KIAA0319L: variants seen among roughly 807,000 people sequenced by gnomAD.
KIAA0319L encodes the protein dyslexia-associated protein KIAA0319-like protein.
KIAA0319L carries 55 observed loss-of-function variants against 120.1 expected under a neutral mutation model. That is an observed-to-expected ratio of 0.46 (90% CI 0.37 to 0.57). KIAA0319L has a LOEUF of 0.57. Among genes scored for constraint, KIAA0319L ranks in the 20% least tolerant of loss-of-function variants. KIAA0319L has a pLI of 0.00. For synonymous variants in KIAA0319L, 398 were observed against 471.9 expected (o/e 0.84, Z 2.03); for missense variants, 1,049 against 1,255.3 (o/e 0.84, Z 2.48).
At chr1:35,514,238 G>C (rs529508178) in intron 2 of KIAA0319L, among the ~76,000 whole-genome samples, 1 of 152,146 alleles carries the variant, frequency 6.6e-6, no homozygotes, top group African/African-American at 2.4e-5. Flanking sequence ...ATATAAAAGT[G>C]CACACATAGT....
Position 35,434,830 on chromosome 1 carries a change from C to T in KIAA0319L, c.*64G>A, listed in dbSNP as rs549847818. On this transcript the variant is annotated 3_prime_UTR_variant, in exon 21 of 21. Coordinates refer to ENST00000325722, the MANE Select transcript of KIAA0319L (RefSeq NM_024874.5). ...CTGGGACAGCAGCTGCCCGCAGACT[C>T]GGGAGGTAGGAGGACTGGCCGGGCA... 14 of 1,438,962 alleles carry T rather than the reference C, an allele frequency of 9.7e-6. No homozygotes were observed. Among genetic ancestry groups the T allele is most frequent in the Admixed American group, 4.1e-5 (2 of 49,128 alleles). The allele number at this position is 1,438,962 out of a possible 1,614,324, so 89.1% of individuals were successfully genotyped here.
chr1:35,449,978 G>A lies in KIAA0319L; in HGVS notation c.2242C>T (p.Pro748Ser), dbSNP rs756913731. ...GEVLNHSDHH[P>S]ILFLSNLVEG... ...ACCAGGTTTGAAAGAAAAAGGATAG[G>A]GTGATGGTCAGAGTGATTTAACACC... Residue 748 changes from proline (P) to serine (S), a missense_variant, in exon 15 of 21, where the codon CCT becomes TCT. Transcript: ENST00000325722. 1 of 1,614,042 alleles carries A rather than the reference G, an allele frequency of 6.2e-7. No individual in the cohort carries two copies. The highest frequency in any genetic ancestry group is 2.2e-5 in the East Asian group (1 of 44,894).
intron 2 of KIAA0319L, among the ~76,000 whole-genome samples, chr1:35,546,552 T>A (rs1316853803): frequency 6.6e-6 from 1 of 152,234 alleles, no homozygotes; most frequent in Non-Finnish European, 1.5e-5. Flanking sequence ...GTCAGGGAAC[T>A]GGACAGCAAT....
intron 2 of KIAA0319L, among the ~76,000 whole-genome samples, chr1:35,528,557 T>C (rs1558604023): frequency 6.6e-6 from 1 of 152,230 alleles, no homozygotes; most frequent in Non-Finnish European, 1.5e-5. Flanking sequence ...TCCTAGAGAA[T>C]GTTCCATGTG....
At chr1:35,439,081 T>C (rs1271872708) in intron 20 of KIAA0319L, 2 of 152,264 alleles carry the variant, frequency 1.3e-5, no homozygotes, top group Admixed American at 6.5e-5. Context: ...CTCCCCATTG[T>C]ACTCAAGAGA....
chr1:35,478,461 A>G (rs1037841846), intron 4 of KIAA0319L, among the ~76,000 whole-genome samples: 3 of 152,164 alleles, frequency 2.0e-5, no homozygotes, highest in Non-Finnish European at 4.4e-5. Flanking sequence ...GAAGGGATGG[A>G]TACTCTATTT....
chr1:35,484,802 ATATATTT>A lies in KIAA0319L; in HGVS notation c.667-5597_667-5591del, dbSNP rs1218917769. On this transcript the variant is annotated intron_variant, in intron 3 of 20. Transcript: ENST00000325722. ...TATATATATATATATATATATATAT[ATATATTT>A]TTTTTTTTATTATACTCTAAGTTTT... is the stretch of plus-strand genomic sequence containing the variant. 4.8e-3 allele frequency among the ~76,000 whole-genome samples: 68 copies of A among 14,104 alleles called. 1 individual carries two copies. The highest frequency in any genetic ancestry group is 0.042 in the East Asian group (15 of 356). The allele number at this position is 14,104 out of a possible 152,430, so 9.3% of individuals were successfully genotyped here. A position where few individuals can be genotyped will look rare whatever the true frequency, so the allele number is the denominator to read the frequency against.
chr1:35,497,804 T>A (rs997536818), intron 3 of KIAA0319L, among the ~76,000 whole-genome samples: 2 of 152,196 alleles, frequency 1.3e-5, no homozygotes, highest in Non-Finnish European at 2.9e-5. Context: ...ATTTTTTTCA[T>A]AAAATAAGTA....
In KIAA0319L at chr1:35,462,706, AC is replaced by A; in HGVS notation, c.1208del (p.Arg403LeufsTer49). The A allele has an allele frequency of 6.2e-7, 1 of 1,613,778 alleles. No homozygotes were observed. The highest frequency in any genetic ancestry group is 8.5e-7 in the Non-Finnish European group (1 of 1,179,670). The stretch of plus-strand genomic sequence containing the variant: ...CAATAGCAATGGGGGGCCGATTCTT[AC>A]GGGGCTCTGCAAGAAAGTGACCCAA... ...YVNVTVKPEP[R>X]KNRPPIAIVS... On this transcript the variant is annotated frameshift_variant, in exon 8 of 21. Coordinates refer to ENST00000325722, the MANE Select transcript of KIAA0319L (RefSeq NM_024874.5). LOFTEE classifies it high-confidence loss of function.
chr1:35,526,273 T>C (rs921915906), intron 2 of KIAA0319L, among the ~76,000 whole-genome samples: 7 of 147,902 alleles, frequency 4.7e-5, no homozygotes, highest in African/African-American at 1.7e-4. Flanking sequence ...TATATATATA[T>C]GTATATATTT....
Position 35,448,183 on chromosome 1 carries a change from T to C in KIAA0319L, c.2503A>G (p.Thr835Ala). The C allele has an allele frequency of 6.2e-7, 1 of 1,613,228 alleles. No individual in the cohort carries two copies. Among genetic ancestry groups the C allele is most frequent in the Non-Finnish European group, 8.5e-7 (1 of 1,179,556 alleles). ...DIIVQKIQPYTEQSTKMVFFV... is the reference protein window; with the variant it reads ...DIIVQKIQPYAEQSTKMVFFV... ...TCATTGCCCAGCTACCTCTGCTCCG[T>C]GTACGGCTGAATCTTTTGCACAATG... The change falls in exon 16 of 21, where the codon ACG becomes GCG. Residue 835 changes from threonine (T) to alanine (A), a missense_variant. Coordinates refer to ENST00000325722, the MANE Select transcript of KIAA0319L (RefSeq NM_024874.5).
chr1:35,466,365 G>C (rs914574405), intron 7 of KIAA0319L, among the ~76,000 whole-genome samples: 4 of 152,192 alleles, frequency 2.6e-5, no homozygotes, highest in African/African-American at 9.7e-5. Flanking sequence ...GGTCTCGGTA[G>C]ATAAGTTATT....
intron 2 of KIAA0319L, among the ~76,000 whole-genome samples, chr1:35,521,890 G>A (rs961985679): frequency 1.3e-5 from 2 of 151,616 alleles, no homozygotes; most frequent in Non-Finnish European, 2.9e-5. Flanking sequence ...AGAGAATGGC[G>A]TGAACCCGGG....
chr1:35,516,378 A>C (rs1442950572), intron 2 of KIAA0319L, among the ~76,000 whole-genome samples: 1 of 152,232 alleles, frequency 6.6e-6, no homozygotes, highest in Non-Finnish European at 1.5e-5. Flanking sequence ...CATCCCCAGG[A>C]TGCAAGTTTG....
At chr1:35,484,797 T>C (rs1644310878) in intron 3 of KIAA0319L, among the ~76,000 whole-genome samples, 2 of 65,298 alleles carry the variant, frequency 3.1e-5, no homozygotes, top group African/African-American at 1.1e-4. Flanking sequence ...TATATATATA[T>C]ATATATATAT....
chr1:35,526,290 CACATATATATGT>C (rs1558594384), intron 2 of KIAA0319L, among the ~76,000 whole-genome samples: 1 of 146,210 alleles, frequency 6.8e-6, no homozygotes, highest in Non-Finnish European at 1.5e-5. Flanking sequence ...ATTTAAAACC[CACATATATATGT>C]ACATATATAC....
At position 35,449,908 on chromosome 1, in the gene KIAA0319L, C is replaced by A. The variant is rs771997079; in HGVS notation, c.2312G>T (p.Gly771Val). 6 of 1,614,056 alleles carry A rather than the reference C, an allele frequency of 3.7e-6. No individual in the cohort carries two copies. The South Asian group carries it at 6.6e-5, about 18-fold the overall frequency. Residue 771 changes from glycine (G) to valine (V), a missense_variant, in exon 15 of 21, where the codon GGT (glycine) becomes GTT (valine). By Grantham distance (109) the Gly-to-Val change is moderately radical (BLOSUM62 -3). Coordinates refer to ENST00000325722, the MANE Select transcript of KIAA0319L (RefSeq NM_024874.5). ...TFHLKVTDAK[G>V]ESDTDRTTVE... is the part of the protein sequence containing the mutation. The stretch of plus-strand genomic sequence containing the variant: ...AGTGGTCCGGTCTGTGTCACTCTCA[C>A]CCTTTGCATCGGTCACTTTCAGGTG...
intron 3 of KIAA0319L, 41 bp from the exon 4 acceptor site, chr1:35,479,253 C>T (rs777898011): frequency 3.5e-5 from 54 of 1,543,556 alleles, no homozygotes; most frequent in Non-Finnish European, 4.6e-5. Flanking sequence ...GTAAAAGTTA[C>T]ATAATTTTTC....
intron 16 of KIAA0319L, 81 bp from the exon 17 acceptor site, chr1:35,444,384 G>A: frequency 7.5e-7 from 1 of 1,337,010 alleles, no homozygotes; most frequent in South Asian, 1.5e-5. Context: ...AGTACCTTCT[G>A]TTTGTGACAG....
Sources: allele counts gnomAD v4.1 joint callset (sites outside exome capture counted in the v4.1 genomes callset), GRCh38; gene constraint gnomAD v4.1.1; transcripts MANE v1.5; gene names NCBI Gene and HGNC (gene_info 2026-07-23, HGNC 2026-07-21).